SH3GL3: variants seen among roughly 807,000 people sequenced by gnomAD.
SH3GL3 encodes endophilin-A3.
In SH3GL3, 33 loss-of-function variants were observed where a neutral mutation model predicts 47.7. The observed-to-expected ratio is 0.69, with a 90% CI of 0.52 to 0.92. The LOEUF is 0.92. SH3GL3 is among the 40% of genes least tolerant of loss of function. SH3GL3 has a pLI of 0.00. For missense variants in SH3GL3, 363 were observed against 417.8 expected, an observed-to-expected ratio of 0.87 and a Z score of 1.14; for synonymous variants, 155 against 148.8, an observed-to-expected ratio of 1.04 and a Z score of -0.30.
At chr15:83,489,863 A>ATAGC (rs2041790511) in intron 1 of SH3GL3, among the ~76,000 whole-genome samples, 1 of 151,538 alleles carries the variant, frequency 6.6e-6, no homozygotes, top group South Asian at 2.1e-4. Flanking sequence ...AGATAGATAG[A>ATAGC]TAGATAGATA....
intron 8 of SH3GL3, among the ~76,000 whole-genome samples, chr15:83,592,576 C>T (rs951225246): frequency 5.9e-5 from 9 of 152,176 alleles, no homozygotes; most frequent in East Asian, 1.9e-4. Flanking sequence ...GGCCTGTTGC[C>T]GTGGGAACAT....
chr15:83,542,821 T>C (rs932368602), intron 1 of SH3GL3, among the ~76,000 whole-genome samples: 1 of 152,206 alleles, frequency 6.6e-6, no homozygotes, highest in Admixed American at 6.5e-5. Flanking sequence ...TTTTGTATCC[T>C]ACAACTTTAT....
chr15:83,621,746 G>A (rs1044146669), downstream of SH3GL3, among the ~76,000 whole-genome samples: 3 of 152,194 alleles, frequency 2.0e-5, no homozygotes, highest in South Asian at 2.1e-4. Context: ...ATGAAAAGAC[G>A]TAACCCTGTT....
intron 1 of SH3GL3, among the ~76,000 whole-genome samples, chr15:83,530,643 G>T: frequency 6.7e-6 from 1 of 149,316 alleles, no homozygotes; most frequent in East Asian, 2.0e-4. Flanking sequence ...GAGGATTTTT[G>T]CCCCTTAATT....
At chr15:83,492,125 A>G (rs1021853286) in intron 1 of SH3GL3, among the ~76,000 whole-genome samples, 2 of 152,032 alleles carry the variant, frequency 1.3e-5, no homozygotes, top group Non-Finnish European at 2.9e-5. Context: ...TCTACTAAAA[A>G]TACAAAAATT....
At chr15:83,458,946 G>C (rs1027219753) in intron 1 of SH3GL3, among the ~76,000 whole-genome samples, 6 of 152,202 alleles carry the variant, frequency 3.9e-5, no homozygotes, top group Non-Finnish European at 8.8e-5. Flanking sequence ...CCCACAATAG[G>C]TTATCTGCAA....
intron 1 of SH3GL3, among the ~76,000 whole-genome samples, chr15:83,479,841 C>G (rs1340616569): frequency 6.6e-6 from 1 of 152,182 alleles, no homozygotes; most frequent in Non-Finnish European, 1.5e-5. Context: ...GGCCACACTA[C>G]TTATTATGCC....
chr15:83,554,261 C>T (rs2044824502), intron 1 of SH3GL3, among the ~76,000 whole-genome samples: 1 of 152,106 alleles, frequency 6.6e-6, no homozygotes, highest in South Asian at 2.1e-4. Flanking sequence ...GATCCCGGCT[C>T]ACCGCAATGT....
intron 5 of SH3GL3, among the ~76,000 whole-genome samples, chr15:83,573,385 A>G (rs186148274): frequency 6.6e-6 from 1 of 152,256 alleles, no homozygotes; most frequent in Non-Finnish European, 1.5e-5. Context: ...AGACCTATTG[A>G]TTCTCAAAGT....
chr15:83,576,935 T>TTTTTTTTTTTTTTTA (rs1596296618), intron 6 of SH3GL3, among the ~76,000 whole-genome samples, 194 bp downstream of exon 6: 5 of 146,492 alleles, frequency 3.4e-5, no homozygotes, highest in Non-Finnish European at 6.0e-5. Flanking sequence ...TTTTTTTTTT[T>TTTTTTTTTTTTTTTA]GAGACGCTGT....
intron 8 of SH3GL3, among the ~76,000 whole-genome samples, chr15:83,591,752 C>G (rs1336121904): frequency 6.6e-6 from 1 of 152,178 alleles, no homozygotes; most frequent in Non-Finnish European, 1.5e-5. Flanking sequence ...GTGGCGCCAT[C>G]TCGGCTCACT....
At chr15:83,611,870 T>TGCCATTTCAAGGTAGCTCAGTCTC (rs376659628) in intron 8 of SH3GL3, among the ~76,000 whole-genome samples, 2 of 150,362 alleles carry the variant, frequency 1.3e-5, no homozygotes, top group South Asian at 2.3e-4. Flanking sequence ...CATGGTGACT[T>TGCCATTTCAAGGTAGCTCAGTCTC]TTGTGTCAAG....
chr15:83,588,621 C>A, intron 7 of SH3GL3, 41 bp from the exon 8 acceptor site: 3 of 1,241,698 alleles, frequency 2.4e-6, no homozygotes, highest in Non-Finnish European at 3.6e-6. Flanking sequence ...GGAAAGCTTT[C>A]AACATCAGAT....
chr15:83,478,950 T>C (rs2041218239), intron 1 of SH3GL3, among the ~76,000 whole-genome samples: 1 of 152,230 alleles, frequency 6.6e-6, no homozygotes, highest in African/African-American at 2.4e-5. Context: ...AGCTTCATCC[T>C]TATAAACCAA....
intron 1 of SH3GL3, among the ~76,000 whole-genome samples, chr15:83,470,970 T>C (rs1238108952): frequency 6.6e-6 from 1 of 152,178 alleles, no homozygotes; most frequent in Non-Finnish European, 1.5e-5. Context: ...ATTTCTTCTA[T>C]ATACATTTAG....
At chr15:83,625,767 A>C in the SH3GL3 span, among the ~76,000 whole-genome samples, 1 of 151,940 alleles carries the variant, frequency 6.6e-6, no homozygotes, top group African/African-American at 2.4e-5. Context: ...CTATCACTTA[A>C]AATGTATTTT....
chr15:83,628,084 AAC>A, the SH3GL3 span, among the ~76,000 whole-genome samples: 1 of 152,202 alleles, frequency 6.6e-6, no homozygotes, highest in African/African-American at 2.4e-5. Flanking sequence ...AGGGCACTCA[AAC>A]ACACATTTTC....
chr15:83,507,484 C>T (rs2042563697), intron 1 of SH3GL3, among the ~76,000 whole-genome samples: 2 of 151,804 alleles, frequency 1.3e-5, no homozygotes, highest in African/African-American at 4.8e-5. Flanking sequence ...GGCATGATCT[C>T]AGCTCACTGC....
Position 83,576,970 on chromosome 15 carries a change from G to A in SH3GL3, c.624+229G>A, listed in dbSNP as rs1202577888. On this transcript the variant is annotated intron_variant, in intron 6 of 8. Transcript: ENST00000427482. ...TCTCGCTCTGTCACCAGGCTGGAGTGCAGTGTCTCGGCTCACTACAACCTC... is the reference window on the plus strand; with the variant it reads ...TCTCGCTCTGTCACCAGGCTGGAGTACAGTGTCTCGGCTCACTACAACCTC... 2.5e-5 allele frequency among the ~76,000 whole-genome samples: 3 copies of A among 121,136 alleles called. No individual in the cohort carries two copies. The Admixed American group carries it at 3.7e-4, about 15-fold the overall frequency. 79.5% of individuals were successfully genotyped at this position (121,136 alleles called of 152,430 possible). A position where few individuals can be genotyped will look rare whatever the true frequency, so the allele number is the denominator to read the frequency against.
Sources: gnomAD v4.1 joint callset for allele counts (sites outside exome capture counted in the v4.1 genomes callset) on GRCh38, gnomAD v4.1.1 for gene constraint, MANE v1.5 for transcripts, NCBI Gene and HGNC (gene_info 2026-07-23, HGNC 2026-07-21) for gene names.